The following MEP1A variants were observed in gnomAD, a reference collection of about 807,000 sequenced individuals.
MEP1A encodes the protein meprin A subunit alpha, also known as N-benzoyl-L-tyrosyl-P-amino-benzoic acid hydrolase subunit alpha.
MEP1A carries 68 observed loss-of-function variants against 84.5 expected under a neutral mutation model. The observed-to-expected ratio is 0.80, with a 90% CI of 0.66 to 0.98. The LOEUF (loss-of-function observed/expected upper bound fraction) is 0.98, where lower values mean the gene tolerates loss of function less well. Ranked by LOEUF, MEP1A falls within the 50% of genes least tolerant of loss-of-function variation. MEP1A has a pLI of 0.00. For missense variants in MEP1A, 887 were observed against 919.9 expected, an observed-to-expected ratio of 0.96 and a Z score of 0.46; for synonymous variants, 337 against 336.8, an observed-to-expected ratio of 1.00 and a Z score of -0.01.
chr6:46,797,198 G>A (rs868053039), intron 3 of MEP1A, among the ~76,000 whole-genome samples: 1 of 152,208 alleles, frequency 6.6e-6, no homozygotes, highest in Non-Finnish European at 1.5e-5. Flanking sequence ...CTGTTGGCTC[G>A]TGAGACTGTG....
At chr6:46,796,107 C>T (rs534765027) in intron 3 of MEP1A, among the ~76,000 whole-genome samples, 1 of 152,254 alleles carries the variant, frequency 6.6e-6, no homozygotes, top group African/African-American at 2.4e-5. Flanking sequence ...GATGTGTTGT[C>T]CCCAAGCCAG....
At chr6:46,832,096 T>C (rs1244224943) in intron 10 of MEP1A, among the ~76,000 whole-genome samples, 2 of 152,196 alleles carry the variant, frequency 1.3e-5, no homozygotes, top group African/African-American at 4.8e-5. Context: ...AGTATAGTTC[T>C]ATAAGTAGAT....
chr6:46,827,249 T>A (rs1175120479), intron 9 of MEP1A, among the ~76,000 whole-genome samples: 1 of 152,210 alleles, frequency 6.6e-6, no homozygotes, highest in African/African-American at 2.4e-5. Context: ...TGTGTGCTTT[T>A]TCTAAAAGTC....
intron 3 of MEP1A, among the ~76,000 whole-genome samples, chr6:46,794,580 A>T (rs1458982049): frequency 6.6e-6 from 1 of 152,192 alleles, no homozygotes; most frequent in African/African-American, 2.4e-5. Context: ...CTAACATACC[A>T]ATAACTAAGG....
chr6:46,811,189 G>A (rs1470735917), intron 6 of MEP1A, among the ~76,000 whole-genome samples: 2 of 151,920 alleles, frequency 1.3e-5, no homozygotes, highest in Non-Finnish European at 2.9e-5. Flanking sequence ...TTCAGTCTTT[G>A]GTTAGGTATA....
chr6:46,838,300 G>C (rs1035304461), intron 13 of MEP1A, among the ~76,000 whole-genome samples: 2 of 152,138 alleles, frequency 1.3e-5, no homozygotes, highest in African/African-American at 4.8e-5. Context: ...CAAAGGTATG[G>C]ATGAGACACT....
intron 10 of MEP1A, among the ~76,000 whole-genome samples, chr6:46,829,899 G>A (rs905799799): frequency 1.3e-5 from 2 of 152,100 alleles, no homozygotes; most frequent in African/African-American, 2.4e-5. Flanking sequence ...AAAATGGATG[G>A]TTCAGGAGTG....
In MEP1A at chr6:46,831,206, A is replaced by G. The variant is rs113875280; in HGVS notation, c.1144+1635A>G. Among the ~76,000 whole-genome samples the G allele has an allele frequency of 6.0e-3, 920 of 152,320 alleles. 12 individuals are homozygous for G. Among genetic ancestry groups the G allele is most frequent in the African/African-American group, 0.021 (864 of 41,572 alleles). On this transcript the variant is annotated intron_variant, in intron 10 of 13. Coordinates refer to ENST00000230588, the MANE Select transcript of MEP1A (RefSeq NM_005588.3). ...AGTTGAATATCACTTAGTGTTGTTT[A>G]TGTGATATTCAACTTAAGACAGTCG... is the stretch of plus-strand genomic sequence containing the variant.
At chr6:46,843,487 A>G (rs1768367704), downstream of MEP1A, among the ~76,000 whole-genome samples, 1 of 152,228 alleles carries the variant, frequency 6.6e-6, no homozygotes, top group Non-Finnish European at 1.5e-5. Flanking sequence ...AGCATCCTTT[A>G]TACTAATAAC....
chr6:46,810,038 A>G (rs1026641458), intron 6 of MEP1A, among the ~76,000 whole-genome samples: 2 of 152,018 alleles, frequency 1.3e-5, no homozygotes, highest in African/African-American at 4.8e-5. Flanking sequence ...AGGAACCTCC[A>G]CACTGTTTTC....
At chr6:46,840,800 G>C (rs185667540), downstream of MEP1A, among the ~76,000 whole-genome samples, 3 of 152,276 alleles carry the variant, frequency 2.0e-5, no homozygotes, top group East Asian at 5.8e-4. Context: ...GTTCAGACTA[G>C]ATAGGAAGCT....
At chr6:46,831,792 A>G (rs1294575362) in intron 10 of MEP1A, among the ~76,000 whole-genome samples, 7 of 152,178 alleles carry the variant, frequency 4.6e-5, no homozygotes, top group Admixed American at 3.9e-4. Flanking sequence ...ACTTTCTGGC[A>G]CCTATTACCC....
chr6:46,843,036 G>A (rs140200448), downstream of MEP1A, among the ~76,000 whole-genome samples: 271 of 152,290 alleles, frequency 1.8e-3, no homozygotes, highest in African/African-American at 5.0e-3. Flanking sequence ...TGGATTAAAG[G>A]TTCATTCTAG....
At chr6:46,821,148 G>A (rs950269115) in intron 7 of MEP1A, among the ~76,000 whole-genome samples, 3 of 152,146 alleles carry the variant, frequency 2.0e-5, no homozygotes, top group Admixed American at 6.5e-5. Context: ...CATGAGATGA[G>A]GGTAGAGAGG....
chr6:46,826,560 A>G, intron 9 of MEP1A, 57 bp downstream of exon 9: 1 of 1,342,126 alleles, frequency 7.5e-7, no homozygotes, highest in Non-Finnish European at 9.7e-7. Flanking sequence ...CAATTAGGTT[A>G]TGCCAGCCAC....
In MEP1A at chr6:46,819,716, C is replaced by T. The variant is rs200846980; in HGVS notation, c.556+12C>T. On this transcript the variant is annotated intron_variant, in intron 7 of 13. Coordinates refer to ENST00000230588, the MANE Select transcript of MEP1A (RefSeq NM_005588.3). ...CCAAATTCTTTCAGGTGTGATTGGGCGGAGATTGCTATCACATTTATCACT... is the reference window on the plus strand; with the variant it reads ...CCAAATTCTTTCAGGTGTGATTGGGTGGAGATTGCTATCACATTTATCACT... The T allele has an allele frequency of 1.2e-4, 200 of 1,610,228 alleles. 1 individual carries two copies. The Middle Eastern group carries it at 1.6e-3, about 13-fold the overall frequency.
At chr6:46,797,573 A>G (rs1013652896) in intron 3 of MEP1A, among the ~76,000 whole-genome samples, 1 of 152,056 alleles carries the variant, frequency 6.6e-6, no homozygotes, top group Non-Finnish European at 1.5e-5. Flanking sequence ...TTTGGAGGGT[A>G]TCATCGTTTT....
intron 7 of MEP1A, among the ~76,000 whole-genome samples, chr6:46,821,102 T>C (rs770485437): frequency 5.3e-5 from 8 of 152,296 alleles, no homozygotes; most frequent in South Asian, 4.1e-4. Flanking sequence ...AGGACTGTAG[T>C]AGTTCATTTT....
chr6:46,794,738 G>A (rs1767013503), intron 3 of MEP1A, among the ~76,000 whole-genome samples: 1 of 152,206 alleles, frequency 6.6e-6, no homozygotes, highest in African/African-American at 2.4e-5. Flanking sequence ...AGACTTCAGA[G>A]CCAGGCACTA....
Sources: gnomAD v4.1 joint callset for allele counts (sites outside exome capture counted in the v4.1 genomes callset) on GRCh38, gnomAD v4.1.1 for gene constraint, MANE v1.5 for transcripts, NCBI Gene and HGNC (gene_info 2026-07-23, HGNC 2026-07-21) for gene names.